NRG3: variants seen among roughly 807,000 people sequenced by gnomAD.
The protein encoded by NRG3 is pro-neuregulin-3, membrane-bound isoform.
In NRG3, 31 loss-of-function variants were observed where a neutral mutation model predicts 66.9. The observed-to-expected ratio is 0.46, with a 90% confidence interval of 0.35 to 0.63. The LOEUF (loss-of-function observed/expected upper bound fraction) is 0.63. NRG3 is among the 20% of genes least tolerant of loss of function. The pLI is 0.00. For missense variants in NRG3, 910 were observed against 878.9 expected (o/e 1.04, Z -0.45); for synonymous variants, 393 against 359.4 (o/e 1.09, Z -1.06).
At chr10:82,405,462 T>TTTTG (rs1368068113) in intron 2 of NRG3, among the ~76,000 whole-genome samples, 1 of 149,698 alleles carries the variant, frequency 6.7e-6, no homozygotes, top group African/African-American at 2.5e-5. Context: ...TAGTTTGTTT[T>TTTTG]TTTTTTTTTT....
chr10:82,061,655 C>T (rs1251674555), intron 1 of NRG3, among the ~76,000 whole-genome samples: 1 of 152,134 alleles, frequency 6.6e-6, no homozygotes, highest in Admixed American at 6.5e-5. Flanking sequence ...AGAGTGAGCT[C>T]AGTGAATGCT....
chr10:82,352,344 C>T lies in NRG3; in HGVS notation c.824-6395C>T, dbSNP rs571312255. Among the ~76,000 whole-genome samples the T allele has an allele frequency of 9.5e-4, 144 of 151,996 alleles. 1 individual carries two copies. The highest frequency in any genetic ancestry group is 3.2e-3 in the African/African-American group (133 of 41,516). On this transcript the variant is annotated intron_variant, in intron 1 of 8. Transcript: ENST00000372141. The stretch of plus-strand genomic sequence containing the variant: ...TTTGAGAATATCCCATAGGGTGAGG[C>T]TCATTTTTGTTAGACTTTGATAAAT...
intron 2 of NRG3, among the ~76,000 whole-genome samples, chr10:82,703,636 A>C (rs1377316584): frequency 6.6e-6 from 1 of 152,100 alleles, no homozygotes; most frequent in Non-Finnish European, 1.5e-5. Context: ...AGAGGGTTTT[A>C]TTGTTAATTT....
At chr10:82,653,748 G>A (rs1326903761) in intron 2 of NRG3, among the ~76,000 whole-genome samples, 1 of 152,182 alleles carries the variant, frequency 6.6e-6, no homozygotes, top group South Asian at 2.1e-4. Context: ...GAAGGGCAAT[G>A]GTTTGGAATA....
chr10:82,313,874 G>C (rs78787294), intron 1 of NRG3, among the ~76,000 whole-genome samples: 2,773 of 152,306 alleles, frequency 0.018, 66 homozygotes, highest in African/African-American at 0.052. Flanking sequence ...AACAGTTCAA[G>C]AAAGACAATT....
chr10:82,158,909 A>AT (rs2071374585), intron 1 of NRG3, among the ~76,000 whole-genome samples: 1 of 151,882 alleles, frequency 6.6e-6, no homozygotes, highest in African/African-American at 2.4e-5. Flanking sequence ...CAAGCTTTCC[A>AT]TTCAGATGAA....
intron 4 of NRG3, among the ~76,000 whole-genome samples, chr10:82,929,841 A>C (rs1380841411): frequency 6.7e-6 from 1 of 149,262 alleles, no homozygotes; most frequent in Admixed American, 6.8e-5. Context: ...GTGCCACTGC[A>C]CTCCAGCCTG....
At chr10:82,021,828 G>C (rs2062075640) in intron 1 of NRG3, among the ~76,000 whole-genome samples, 1 of 134,462 alleles carries the variant, frequency 7.4e-6, no homozygotes, top group African/African-American at 2.7e-5. Flanking sequence ...GTGTGTGTGT[G>C]TGTGTGTCTT....
At chr10:82,917,908 T>G (rs1351241747) in intron 4 of NRG3, among the ~76,000 whole-genome samples, 2 of 150,100 alleles carry the variant, frequency 1.3e-5, no homozygotes, top group African/African-American at 2.5e-5. Flanking sequence ...TGGATTAAAA[T>G]TGTATTTTTA....
At chr10:82,091,907 G>A (rs2066047295) in intron 1 of NRG3, among the ~76,000 whole-genome samples, 2 of 152,172 alleles carry the variant, frequency 1.3e-5, no homozygotes, top group South Asian at 4.1e-4. Flanking sequence ...ATTATGTTGA[G>A]TGTCCCCTCA....
At position 82,944,900 on chromosome 10, in the gene NRG3, G is replaced by A. The variant is rs190859316; in HGVS notation, c.1055-6569G>A. 8.3e-4 allele frequency among the ~76,000 whole-genome samples: 126 copies of A among 152,250 alleles called. 1 individual carries two copies. Among genetic ancestry groups the A allele is most frequent in the African/African-American group, 2.8e-3 (118 of 41,548 alleles). On this transcript the variant is annotated intron_variant, in intron 4 of 8. Transcript: ENST00000372141. Reference sequence around the variant, plus strand: ...AAATAGAAGAAATAAAGGAAAATAGGTCCTAGAATGTGGGCTCTCTACATG... The same window carrying A: ...AAATAGAAGAAATAAAGGAAAATAGATCCTAGAATGTGGGCTCTCTACATG...
intron 1 of NRG3, among the ~76,000 whole-genome samples, chr10:82,236,305 T>G (rs1199954666): frequency 6.6e-6 from 1 of 152,178 alleles, no homozygotes; most frequent in Non-Finnish European, 1.5e-5. Context: ...CTGTAAGTGG[T>G]CAGTAGAGGT....
chr10:82,657,130 C>T (rs942054478), intron 2 of NRG3, among the ~76,000 whole-genome samples: 2 of 152,184 alleles, frequency 1.3e-5, no homozygotes, highest in African/African-American at 4.8e-5. Context: ...ACCTTGAAAT[C>T]CTCATACTTT....
At chr10:82,383,016 A>C (rs1243777734) in intron 2 of NRG3, among the ~76,000 whole-genome samples, 2 of 152,000 alleles carry the variant, frequency 1.3e-5, no homozygotes, top group Non-Finnish European at 2.9e-5. Flanking sequence ...TTATTACATT[A>C]GATATCAGTT....
chr10:82,332,682 C>T (rs2082195748), intron 1 of NRG3, among the ~76,000 whole-genome samples: 1 of 152,170 alleles, frequency 6.6e-6, no homozygotes, highest in Non-Finnish European at 1.5e-5. Context: ...GTTGTCTCAT[C>T]TCTCTACTGG....
intron 2 of NRG3, among the ~76,000 whole-genome samples, chr10:82,451,910 A>G (rs949639663): frequency 2.6e-5 from 4 of 152,182 alleles, no homozygotes; most frequent in Non-Finnish European, 5.9e-5. Context: ...ATAAAAAAAG[A>G]GAAATATAGT....
chr10:82,210,439 G>A (rs1185258952), intron 1 of NRG3, among the ~76,000 whole-genome samples: 1 of 152,196 alleles, frequency 6.6e-6, no homozygotes, highest in African/African-American at 2.4e-5. Flanking sequence ...GTGCCAGCCT[G>A]CTGGACCACC....
At chr10:82,182,870 T>C (rs1158512477) in intron 1 of NRG3, among the ~76,000 whole-genome samples, 1 of 151,960 alleles carries the variant, frequency 6.6e-6, no homozygotes, top group Non-Finnish European at 1.5e-5. Context: ...CATACCTTCA[T>C]TTTTTAAGGA....
chr10:82,855,314 T>C (rs370417750), intron 3 of NRG3, among the ~76,000 whole-genome samples: 12 of 152,058 alleles, frequency 7.9e-5, no homozygotes, highest in Admixed American at 3.3e-4. Context: ...ATGTAATCCT[T>C]CTTTCTTTTC....
Sources: allele counts gnomAD v4.1 joint callset (sites outside exome capture counted in the v4.1 genomes callset), GRCh38; gene constraint gnomAD v4.1.1; transcripts MANE v1.5; gene names NCBI Gene and HGNC (gene_info 2026-07-23, HGNC 2026-07-21).